Variants in CERKL observed in about 807,000 individuals in gnomAD.
CERKL encodes ceramide kinase-like protein.
A neutral mutation model predicts 63.4 loss-of-function variants in CERKL; 61 were observed. That is an observed-to-expected ratio of 0.96 (90% CI 0.78 to 1.19). CERKL has a LOEUF of 1.19. CERKL is among the 50% of genes most tolerant of loss of function. The pLI is 0.00. For synonymous variants in CERKL, 250 were observed against 230.5 expected (o/e 1.08, Z -0.77); for missense variants, 675 against 655.5 (o/e 1.03, Z -0.33).
chr2:181,615,948 T>C (rs2105911070), intron 1 of CERKL, among the ~76,000 whole-genome samples: 1 of 152,222 alleles, frequency 6.6e-6, no homozygotes, highest in South Asian at 2.1e-4. Context: ...AGGCTTCTTA[T>C]CTAGTAAAAG....
At chr2:181,559,790 A>G (rs571005762) in intron 4 of CERKL, among the ~76,000 whole-genome samples, 1 of 152,170 alleles carries the variant, frequency 6.6e-6, no homozygotes, top group Non-Finnish European at 1.5e-5. Context: ...CCAAAGGCTG[A>G]AAGTGTCTTT....
chr2:181,579,293 T>C (rs1163670157), intron 2 of CERKL, among the ~76,000 whole-genome samples: 1 of 151,962 alleles, frequency 6.6e-6, no homozygotes, highest in African/African-American at 2.4e-5. Context: ...CTTATAAACA[T>C]AAACCCACAG....
chr2:181,629,798 G>A (rs116290097), intron 1 of CERKL, among the ~76,000 whole-genome samples: 7 of 152,066 alleles, frequency 4.6e-5, no homozygotes, highest in Non-Finnish European at 7.4e-5. Flanking sequence ...AGACTGATTA[G>A]ATTGACCAAG....
In CERKL at chr2:181,536,774, T is replaced by TGTA; in HGVS notation, c.*1409_*1410insTAC. ...AAAAAATTTCTTTAAATACAATCATTTTTGTAATATTTATTTTATGCTTAT... is the reference window on the plus strand; with the variant it reads ...AAAAAATTTCTTTAAATACAATCATTGTATTTGTAATATTTATTTTATGCTTAT... On this transcript the variant is annotated 3_prime_UTR_variant, in exon 13 of 13. Transcript: ENST00000410087. 4.0e-6 allele frequency: 1 copy of TGTA among 248,698 alleles called. No homozygotes were observed. The highest frequency in any genetic ancestry group is 8.1e-6 in the Non-Finnish European group (1 of 123,638). 15.4% of individuals were successfully genotyped at this position (248,698 alleles called of 1,614,324 possible).
chr2:181,631,252 T>C (rs1342858241), intron 1 of CERKL, among the ~76,000 whole-genome samples: 2 of 152,226 alleles, frequency 1.3e-5, no homozygotes, highest in East Asian at 3.8e-4. Flanking sequence ...TTTTCTTCAT[T>C]ACTTTTTAAA....
intron 2 of CERKL, among the ~76,000 whole-genome samples, chr2:181,598,986 G>A: frequency 6.6e-6 from 1 of 152,094 alleles, no homozygotes; most frequent in East Asian, 1.9e-4. Flanking sequence ...TACAAAAAGA[G>A]TGTCTTCATA....
At chr2:181,603,737 C>A in intron 2 of CERKL, 100 bp downstream of exon 2, 1 of 1,198,324 alleles carries the variant, frequency 8.3e-7, no homozygotes, top group Non-Finnish European at 1.2e-6. Context: ...AGGAAACTAT[C>A]TCAACATCAC....
At chr2:181,564,006 C>T (rs1278767182) in intron 4 of CERKL, among the ~76,000 whole-genome samples, 4 of 152,088 alleles carry the variant, frequency 2.6e-5, no homozygotes, top group Non-Finnish European at 4.4e-5. Flanking sequence ...CGGATGGTTT[C>T]AGGATGAAAC....
chr2:181,656,781 C>G lies in CERKL; in HGVS notation c.226G>C (p.Glu76Gln), dbSNP rs527549712. The change falls in exon 1 of 13, where the codon GAG becomes CAG. Residue 76 changes from glutamate (E) to glutamine (Q), a missense_variant. Physicochemically the swap from Glu to Gln is conservative, Grantham distance 29. Transcript: ENST00000410087. ...GCCGGGCACTCACCCGCCGGGCGCT[C>G]GGGCTGAATGGGCCGCCACCGCAGT... is the stretch of plus-strand genomic sequence containing the variant. ...RALRWRPIQPERPAGDSKYDL... is the reference protein window; with the variant it reads ...RALRWRPIQPQRPAGDSKYDL... 1.6e-5 allele frequency: 26 copies of G among 1,595,452 alleles called. No individual in the cohort carries two copies. Among genetic ancestry groups the G allele is most frequent in the Admixed American group, 6.8e-5 (4 of 59,084 alleles).
At chr2:181,555,792 G>A (rs1034010606) in intron 5 of CERKL, among the ~76,000 whole-genome samples, 27 of 136,708 alleles carry the variant, frequency 2.0e-4, no homozygotes, top group South Asian at 4.5e-4. Flanking sequence ...TCGCTCTGTC[G>A]CCCAGGCTGG....
intron 1 of CERKL, among the ~76,000 whole-genome samples, chr2:181,629,405 A>T (rs1686852683): frequency 6.6e-6 from 1 of 152,220 alleles, no homozygotes; most frequent in Admixed American, 6.5e-5. Flanking sequence ...TGAATAAAGC[A>T]GGGTAATAGC....
intron 2 of CERKL, among the ~76,000 whole-genome samples, chr2:181,589,269 C>G (rs932541074): frequency 2.6e-5 from 4 of 152,190 alleles, no homozygotes; most frequent in African/African-American, 4.8e-5. Flanking sequence ...AAACTACTTT[C>G]AGAAAAGTGG....
chr2:181,573,295 T>A (rs571156148), intron 3 of CERKL, among the ~76,000 whole-genome samples: 1 of 152,282 alleles, frequency 6.6e-6, no homozygotes, highest in East Asian at 1.9e-4. Flanking sequence ...AATTCATCTA[T>A]TAATAAAACC....
intron 2 of CERKL, among the ~76,000 whole-genome samples, chr2:181,592,742 G>T (rs1395913652): frequency 6.6e-6 from 1 of 152,122 alleles, no homozygotes; most frequent in Non-Finnish European, 1.5e-5. Context: ...CAACTTTATA[G>T]CTGCATGACC....
intron 1 of CERKL, among the ~76,000 whole-genome samples, chr2:181,646,470 A>AG (rs1271250516): frequency 6.6e-6 from 1 of 152,232 alleles, no homozygotes; most frequent in African/African-American, 2.4e-5. Context: ...AGGGAACAAA[A>AG]GATCAGAGTT....
chr2:181,554,062 T>A (rs1323134282), intron 5 of CERKL, among the ~76,000 whole-genome samples: 1 of 150,266 alleles, frequency 6.7e-6, no homozygotes, highest in African/African-American at 2.5e-5. Flanking sequence ...TACCACTTCC[T>A]CCTGAGAGCT....
chr2:181,544,720 A>G lies in CERKL; in HGVS notation c.1345T>C (p.Tyr449His). ...RPEFIKHLKR[Y>H]ASVKNQFNFP... is the part of the protein sequence containing the mutation. ...TATACCTGATTTTTTACACTGGCAT[A>G]TCTTTTCAGGTGTTTTATAAATTCT... The change falls in exon 11 of 13, where the codon TAT (tyrosine) becomes CAT (histidine). Residue 449 changes from tyrosine (Y) to histidine (H), a missense_variant. Physicochemically the swap from Tyr to His is moderately conservative, Grantham distance 83. Transcript: ENST00000410087. The G allele has an allele frequency of 1.2e-6, 2 of 1,604,550 alleles. No homozygotes were observed. The highest frequency in any genetic ancestry group is 2.2e-5 in the South Asian group (2 of 90,142).
intron 1 of CERKL, among the ~76,000 whole-genome samples, chr2:181,645,257 T>C (rs1002537435): frequency 2.6e-5 from 4 of 152,194 alleles, no homozygotes; most frequent in East Asian, 3.8e-4. Context: ...ATCAAGTATA[T>C]AGGAATGTAG....
rs377039657 is a variant in CERKL at position 181,603,948 on chromosome 2, T to A, written c.370A>T (p.Ile124Phe). 2 of 1,613,240 alleles carry A rather than the reference T, an allele frequency of 1.2e-6. No homozygotes were observed. The highest frequency in any genetic ancestry group is 2.7e-5 in the African/African-American group (2 of 74,890). Residue 124 changes from isoleucine to phenylalanine, a missense_variant, in exon 2 of 13, where the codon ATC becomes TTC. By Grantham distance (21) the Ile-to-Phe change is conservative (BLOSUM62 0). Coordinates refer to ENST00000410087, the MANE Select transcript of CERKL (RefSeq NM_201548.5). ...SGTLLGITLFICLKKEQNKLK... is the reference protein window; with the variant it reads ...SGTLLGITLFFCLKKEQNKLK... ...TTATTTTGTTCCTTTTTCAAGCAGA[T>A]GAAGAGTGTGATACCTAATAAAGTA...
Sources: allele counts gnomAD v4.1 joint callset (sites outside exome capture counted in the v4.1 genomes callset), GRCh38; gene constraint gnomAD v4.1.1; transcripts MANE v1.5; gene names NCBI Gene and HGNC (gene_info 2026-07-23, HGNC 2026-07-21).